CASZ1: variants seen among roughly 807,000 people sequenced by gnomAD.
The protein encoded by CASZ1 is castor zinc finger 1.
A neutral mutation model predicts 135.2 loss-of-function variants in CASZ1; 28 were observed. That is an observed-to-expected ratio of 0.21 (90% confidence interval 0.15 to 0.28). The LOEUF (loss-of-function observed/expected upper bound fraction) is 0.28, where lower values mean the gene tolerates loss of function less well. Among genes scored for constraint, CASZ1 ranks in the 10% least tolerant of loss-of-function variants. CASZ1 has a pLI of 1.00. For synonymous variants in CASZ1, 1,068 were observed against 1,073.4 expected (o/e 0.99, Z 0.10); for missense variants, 2,161 against 2,453.3 (o/e 0.88, Z 2.52).
In CASZ1 at chr1:10,658,674, CCTCTG is replaced by C. The variant is rs3831096; in HGVS notation, c.1341-103_1341-99del. The C allele has an allele frequency of 0.13, 134,841 of 1,027,206 alleles. 10,909 individuals are homozygous for C. Among genetic ancestry groups the C allele is most frequent in the African/African-American group, 0.23 (14,316 of 63,040 alleles). 63.6% of individuals were successfully genotyped at this position (1,027,206 alleles called of 1,614,324 possible). A position where few individuals can be genotyped will look rare whatever the true frequency, so the allele number is the denominator to read the frequency against. On this transcript the variant is annotated intron_variant, in intron 6 of 20. Coordinates refer to ENST00000377022, the MANE Select transcript of CASZ1 (RefSeq NM_001079843.3). ...CAGCCCCTGCCCTGAGGCCCCAGCC[CCTCTG>C]CTCTGCTCTGCAGTGTCCGAGGCAC...
In CASZ1 at chr1:10,759,305, C is replaced by T. The variant is rs1234016181; in HGVS notation, c.-77+1396G>A. ...ATAGCCCGGGAAGGTGGCAGAGGTGCAGGTGCTAACGCCAAGCCCAGAAGA... is the reference window on the plus strand; with the variant it reads ...ATAGCCCGGGAAGGTGGCAGAGGTGTAGGTGCTAACGCCAAGCCCAGAAGA... On this transcript the variant is annotated intron_variant, in intron 2 of 20. Transcript: ENST00000377022. This position sits in a 1 kb window ranked among gnomAD's most constrained non-coding sequence, Gnocchi z 4.2. Among the ~76,000 whole-genome samples, 1 of 152,162 alleles carries T rather than the reference C, an allele frequency of 6.6e-6. No individual in the cohort carries two copies. The highest frequency in any genetic ancestry group is 1.5e-5 in the Non-Finnish European group (1 of 68,022).
In CASZ1 at chr1:10,697,593, C is replaced by G. The variant is rs1008141821; in HGVS notation, c.-23-3681G>C. The stretch of plus-strand genomic sequence containing the variant: ...ACTGCTATCGCTGGTTCCTGTTACC[C>G]CCCCCGCACCCCCAAGTTGCCCACC... On this transcript the variant is annotated intron_variant, in intron 3 of 20. Coordinates refer to ENST00000377022, the MANE Select transcript of CASZ1 (RefSeq NM_001079843.3). The surrounding 1 kb of genome is among the most constrained non-coding windows in gnomAD (Gnocchi z 4.7). Among the ~76,000 whole-genome samples, 1 of 151,686 alleles carries G rather than the reference C, an allele frequency of 6.6e-6. No individual in the cohort carries two copies. Among genetic ancestry groups the G allele is most frequent in the Non-Finnish European group, 1.5e-5 (1 of 67,942 alleles).
chr1:10,790,965 ATT>A (rs954594785), intron 1 of CASZ1, among the ~76,000 whole-genome samples: 2 of 150,434 alleles, frequency 1.3e-5, no homozygotes, highest in African/African-American at 4.9e-5. Flanking sequence ...ATAAAAGGTG[ATT>A]TTTTTTTTAA....
At chr1:10,690,183 C>A (rs1343629933) in intron 4 of CASZ1, among the ~76,000 whole-genome samples, 3 of 152,260 alleles carry the variant, frequency 2.0e-5, no homozygotes, top group Non-Finnish European at 4.4e-5. Flanking sequence ...CCTTCTCAGT[C>A]CCCGGTGCCT....
chr1:10,791,989 C>A (rs971792033), intron 1 of CASZ1, among the ~76,000 whole-genome samples: 2 of 151,718 alleles, frequency 1.3e-5, no homozygotes, highest in African/African-American at 4.8e-5. Context: ...CTTTTCTACT[C>A]GTAAGCCTCT....
rs746379625 is a variant in CASZ1, at chr1:10,637,495, G to A, written c.*1447C>T. ...CAGGTTCCTCCTGGAGACCTCTGGG[G>A]AGGAGGCTTCTGGATGACAGCCTCC... On this transcript the variant is annotated 3_prime_UTR_variant, in exon 21 of 21. Coordinates refer to ENST00000377022, the MANE Select transcript of CASZ1 (RefSeq NM_001079843.3). 6.6e-6 allele frequency: 1 copy of A among 152,372 alleles called. No homozygotes were observed. Among genetic ancestry groups the A allele is most frequent in the Non-Finnish European group, 1.5e-5 (1 of 68,050 alleles). 9.4% of individuals were successfully genotyped at this position (152,372 alleles called of 1,614,324 possible).
intron 1 of CASZ1, among the ~76,000 whole-genome samples, chr1:10,768,850 C>G (rs960360490): frequency 1.3e-5 from 2 of 152,196 alleles, no homozygotes; most frequent in African/African-American, 4.8e-5. Flanking sequence ...GGAATGACAA[C>G]TCAAGCCAAG....
At chr1:10,728,672 C>T (rs1029614509) in intron 2 of CASZ1, among the ~76,000 whole-genome samples, 55 of 151,708 alleles carry the variant, frequency 3.6e-4, no homozygotes, top group African/African-American at 1.3e-3. Context: ...CGGGGGTTGC[C>T]ATGGAGACCC....
chr1:10,738,579 C>T (rs1639846047), intron 2 of CASZ1, among the ~76,000 whole-genome samples: 1 of 152,260 alleles, frequency 6.6e-6, no homozygotes, highest in African/African-American at 2.4e-5. Flanking sequence ...CGACCTGGGC[C>T]AGGGCTTTCT....
intron 1 of CASZ1, among the ~76,000 whole-genome samples, chr1:10,793,901 G>A (rs1011705943): frequency 1.2e-4 from 18 of 152,204 alleles, no homozygotes; most frequent in African/African-American, 4.3e-4. Flanking sequence ...GGTCGGGGGA[G>A]TGGCGCGGGC....
chr1:10,660,334 G>A lies in CASZ1; in HGVS notation c.708C>T (p.Phe236=), dbSNP rs1169685784. The change falls in exon 6 of 21, where the codon TTC becomes TTT. Residue 236 remains phenylalanine, a synonymous_variant. Coordinates refer to ENST00000377022, the MANE Select transcript of CASZ1 (RefSeq NM_001079843.3). Reference sequence around the variant, plus strand: ...TGCGGATGTACTCCTCATACTTAGAGAACCGCGCCCGCTTGCTGAGGGTAT... The same window carrying A: ...TGCGGATGTACTCCTCATACTTAGAAAACCGCGCCCGCTTGCTGAGGGTAT... The part of the protein sequence containing the change: ...SEDTLSKRAR[F]SKYEEYIRKL... 1 of 1,614,168 alleles carries A rather than the reference G, an allele frequency of 6.2e-7. No homozygotes were observed. The highest frequency in any genetic ancestry group is 2.2e-5 in the East Asian group (1 of 44,870).
chr1:10,678,624 C>A (rs1421824739), intron 4 of CASZ1, among the ~76,000 whole-genome samples: 1 of 152,114 alleles, frequency 6.6e-6, no homozygotes, highest in Non-Finnish European at 1.5e-5. Flanking sequence ...TAAATTAGAT[C>A]TGAAAGCTGA....
rs1420160977 is a variant in CASZ1 at position 10,701,721 on chromosome 1, G to C, written c.-24+3771C>G. On this transcript the variant is annotated intron_variant, in intron 3 of 20. Transcript: ENST00000377022. The surrounding 1 kb of genome is among the most constrained non-coding windows in gnomAD (Gnocchi z 6.3). ...TCGGCCGATCAGGCTGCTGGTTTGA[G>C]GGCTGGCAGCCTTGGCCGGGACGGA... 6.6e-6 allele frequency among the ~76,000 whole-genome samples: 1 copy of C among 152,196 alleles called. No individual in the cohort carries two copies. Among genetic ancestry groups the C allele is most frequent in the African/African-American group, 2.4e-5 (1 of 41,444 alleles).
chr1:10,683,078 A>C (rs1452926424), intron 4 of CASZ1, among the ~76,000 whole-genome samples: 3 of 152,222 alleles, frequency 2.0e-5, no homozygotes, highest in Non-Finnish European at 2.9e-5. Flanking sequence ...CAACGGTCAC[A>C]TAACATCTAA....
chr1:10,694,680 TCGCGCCCCCGCCGCGCGCCCCCGCCG>T lies in CASZ1; in HGVS notation c.-23-794_-23-769del, dbSNP rs573848929. 1.4e-5 allele frequency among the ~76,000 whole-genome samples: 2 copies of T among 138,398 alleles called. No homozygotes were observed. The highest frequency in any genetic ancestry group is 3.2e-5 in the Non-Finnish European group (2 of 62,526). 90.8% of individuals were successfully genotyped at this position (138,398 alleles called of 152,430 possible). A position where few individuals can be genotyped will look rare whatever the true frequency, so the allele number is the denominator to read the frequency against. On this transcript the variant is annotated intron_variant, in intron 3 of 20. Coordinates refer to ENST00000377022, the MANE Select transcript of CASZ1 (RefSeq NM_001079843.3). The surrounding 1 kb of genome is among the most constrained non-coding windows in gnomAD (Gnocchi z 6.6). ...CCGGAGTGAATGGGCTCGCGCTCGC[TCGCGCCCCCGCCGCGCGCCCCCGCCG>T]CGCGCGCCCGCGCCGCACTGGCAGG... is the stretch of plus-strand genomic sequence containing the variant.
At chr1:10,689,956 C>A (rs1638713455) in intron 4 of CASZ1, among the ~76,000 whole-genome samples, 1 of 152,232 alleles carries the variant, frequency 6.6e-6, no homozygotes, top group Non-Finnish European at 1.5e-5. Context: ...CTGTCCCGGG[C>A]TCTGACAGCT....
At chr1:10,688,303 G>A (rs1447840396) in intron 4 of CASZ1, among the ~76,000 whole-genome samples, 1 of 152,220 alleles carries the variant, frequency 6.6e-6, no homozygotes, top group Non-Finnish European at 1.5e-5. Flanking sequence ...AACGGGGTGT[G>A]AGGCTGGAAA....
chr1:10,749,976 T>C (rs1640119562), intron 2 of CASZ1, among the ~76,000 whole-genome samples: 1 of 152,158 alleles, frequency 6.6e-6, no homozygotes, highest in Non-Finnish European at 1.5e-5. Context: ...CTCTGGGTCC[T>C]AGGTGGAGTG....
In CASZ1 at chr1:10,707,353, C is replaced by T. The variant is rs1027366808; in HGVS notation, c.-76-1809G>A. On this transcript the variant is annotated intron_variant, in intron 2 of 20. Coordinates refer to ENST00000377022, the MANE Select transcript of CASZ1 (RefSeq NM_001079843.3). This position sits in a 1 kb window ranked among gnomAD's most constrained non-coding sequence, Gnocchi z 5.0. ...ATAACGACTTGCAGCGCGGTGTTGC[C>T]GTCCCCAACCACCCCTGTTTTCTGA... Among the ~76,000 whole-genome samples, 7 of 152,164 alleles carry T rather than the reference C, an allele frequency of 4.6e-5. No homozygotes were observed. The highest frequency in any genetic ancestry group is 8.8e-5 in the Non-Finnish European group (6 of 68,044).
Sources: allele counts gnomAD v4.1 joint callset (sites outside exome capture counted in the v4.1 genomes callset), GRCh38; gene constraint gnomAD v4.1.1; non-coding constraint Gnocchi (gnomAD v3.1); transcripts MANE v1.5; gene names NCBI Gene and HGNC (gene_info 2026-07-23, HGNC 2026-07-21).